The following LONRF3 variants were observed in gnomAD, a reference collection of about 807,000 sequenced individuals.
The protein encoded by LONRF3 is LON peptidase N-terminal domain and ring finger 3.
LONRF3 carries 19 observed loss-of-function variants against 51.7 expected under a neutral mutation model. The ratio of observed to expected loss-of-function variants is 0.37; its 90% CI spans 0.26 to 0.54. The LOEUF (loss-of-function observed/expected upper bound fraction) is 0.54. Ranked by LOEUF, LONRF3 falls within the 20% of genes least tolerant of loss-of-function variation. The probability of loss-of-function intolerance (pLI) is 0.86; values close to 1 mark genes in which losing one functional copy is unlikely to be tolerated. For synonymous variants in LONRF3, 265 were observed against 257.8 expected (o/e 1.03, Z -0.27); for missense variants, 521 against 623.9 (o/e 0.84, Z 1.76).
intron 7 of LONRF3, among the ~76,000 whole-genome samples, chrX:119,009,676 C>A (rs181112442): frequency 1.0e-3 from 117 of 112,050 alleles, no homozygotes; most frequent in African/African-American, 3.2e-3. Flanking sequence ...CAAAGTGAGT[C>A]TACTTCACGA....
At chrX:118,977,170 G>GAA (rs35249118) in intron 1 of LONRF3, among the ~76,000 whole-genome samples, 23 of 106,880 alleles carry the variant, frequency 2.2e-4, no homozygotes, top group East Asian at 1.2e-3. Flanking sequence ...CACCCCTGGG[G>GAA]AAAAAAAAAA....
At chrX:118,998,645 A>C (rs1014693542) in intron 5 of LONRF3, among the ~76,000 whole-genome samples, 3 of 112,174 alleles carry the variant, frequency 2.7e-5, no homozygotes, top group Non-Finnish European at 5.6e-5. Flanking sequence ...AAGAAGATTG[A>C]CCCAAGAGAA....
intron 6 of LONRF3, 118 bp from the exon 7 acceptor site, chrX:119,009,008 G>A (rs1023307166): frequency 1.9e-5 from 10 of 539,067 alleles, no homozygotes; most frequent in African/African-American, 7.1e-5. Flanking sequence ...TAATTTGTGG[G>A]TCCAGATTAC....
Position 118,989,927 on chromosome X carries a change from G to A in LONRF3, c.1324+255G>A, listed in dbSNP as rs189632583. Among the ~76,000 whole-genome samples, 38 of 112,155 alleles carry A rather than the reference G, an allele frequency of 3.4e-4. No individual in the cohort carries two copies. The East Asian group carries it at 5.9e-3, about 17-fold the overall frequency. On this transcript the variant is annotated intron_variant, in intron 4 of 10. Transcript: ENST00000371628. The stretch of plus-strand genomic sequence containing the variant: ...AAGCCAAGGCATCAGGTCAAGCACA[G>A]TATCAACTAATGACATCCCATACCC...
At position 118,975,634 on chromosome X, in the gene LONRF3, C is replaced by T. The variant is rs1322671126; in HGVS notation, c.817+37C>T. ...GCGCTGCCGGGCCGGGGCTGGGGCT[C>T]GGTGGCTACATGAGGGAGCGGGAGA... On this transcript the variant is annotated intron_variant, in intron 1 of 10. Coordinates refer to ENST00000371628, the MANE Select transcript of LONRF3 (RefSeq NM_001031855.3). 4.4e-6 allele frequency: 4 copies of T among 908,912 alleles called. No homozygotes were observed. The South Asian group carries it at 9.7e-5, about 22-fold the overall frequency. The allele number at this position is 908,912 out of a possible 1,213,427, so 74.9% of individuals were successfully genotyped here.
intron 5 of LONRF3, among the ~76,000 whole-genome samples, chrX:118,998,226 T>C (rs751366503): frequency 2.7e-5 from 3 of 112,318 alleles, no homozygotes; most frequent in Non-Finnish European, 3.8e-5. Context: ...CAAATGCCCA[T>C]CAACGAGTGG....
At position 119,001,071 on chromosome X, in the gene LONRF3, A is replaced by G. The variant is rs182414609; in HGVS notation, c.1416-5050A>G. On this transcript the variant is annotated intron_variant, in intron 5 of 10. Coordinates refer to ENST00000371628, the MANE Select transcript of LONRF3 (RefSeq NM_001031855.3). ...TGCTATTGTTTACTCCATCACTGTA[A>G]CAATGTAAAATGTTTTTTGTGTGAA... Among the ~76,000 whole-genome samples, 249 of 111,950 alleles carry G rather than the reference A, an allele frequency of 2.2e-3. 1 individual carries two copies. The highest frequency in any genetic ancestry group is 7.4e-3 in the African/African-American group (229 of 30,907).
intron 4 of LONRF3, among the ~76,000 whole-genome samples, chrX:118,990,197 G>A (rs1447979531): frequency 1.8e-5 from 2 of 112,151 alleles, no homozygotes; most frequent in Non-Finnish European, 3.8e-5. Context: ...TTCTGCTGTT[G>A]ACAGAGGTGC....
chrX:118,979,146 G>A (rs1488883255), intron 2 of LONRF3, among the ~76,000 whole-genome samples: 2 of 107,843 alleles, frequency 1.9e-5, no homozygotes, highest in Non-Finnish European at 3.8e-5. Context: ...GACTACAGGC[G>A]CCCGCCACCA....
intron 6 of LONRF3, among the ~76,000 whole-genome samples, chrX:119,007,458 T>G (rs1465260074): frequency 8.9e-6 from 1 of 112,103 alleles, no homozygotes; most frequent in Non-Finnish European, 1.9e-5. Context: ...CCCACCTTTG[T>G]TTTTCAAGTG....
At chrX:118,996,257 G>A (rs1288874710) in intron 5 of LONRF3, among the ~76,000 whole-genome samples, 1 of 111,372 alleles carries the variant, frequency 9.0e-6, no homozygotes, top group Non-Finnish European at 1.9e-5. Flanking sequence ...ACTGGAACAA[G>A]ACAAGGATGC....
rs112596896 is a variant in LONRF3, at chrX:118,999,149, TA to T, written c.1416-6964del. ...CCTGAAATGTGGACCTTCTTTCTCT[TA>T]AAAAAAATTTTAGGTGCCAGATTTT... is the stretch of plus-strand genomic sequence containing the variant. On this transcript the variant is annotated intron_variant, in intron 5 of 10. Coordinates refer to ENST00000371628, the MANE Select transcript of LONRF3 (RefSeq NM_001031855.3). Among the ~76,000 whole-genome samples, 479 of 111,784 alleles carry T rather than the reference TA, an allele frequency of 4.3e-3. 3 individuals carry two copies. The highest frequency in any genetic ancestry group is 0.014 in the African/African-American group (445 of 30,756).
chrX:118,991,465 G>A (rs750017997), intron 5 of LONRF3, among the ~76,000 whole-genome samples: 85 of 111,062 alleles, frequency 7.7e-4, no homozygotes, highest in Non-Finnish European at 8.5e-4. Context: ...ATTAGTGGTG[G>A]GCCTGAGATA....
chrX:118,981,773 C>G (rs1019061905), intron 2 of LONRF3, among the ~76,000 whole-genome samples: 3 of 112,014 alleles, frequency 2.7e-5, no homozygotes, highest in African/African-American at 9.7e-5. Context: ...TTCAGGGCAG[C>G]CTCTGCAGCG....
chrX:118,984,505 ATGTTTTTGG>A (rs1432298466), intron 3 of LONRF3, among the ~76,000 whole-genome samples: 2 of 111,892 alleles, frequency 1.8e-5, no homozygotes, highest in African/African-American at 6.5e-5. Context: ...CTAGCCTGAG[ATGTTTTTGG>A]TGTCATCAGT....
intron 5 of LONRF3, among the ~76,000 whole-genome samples, chrX:118,998,251 G>GTA (rs1435710211): frequency 4.5e-5 from 5 of 112,327 alleles, no homozygotes; most frequent in African/African-American, 1.3e-4. Flanking sequence ...AGAAACTCTG[G>GTA]TATATATATA....
At chrX:118,985,413 G>A (rs1247562017) in intron 3 of LONRF3, among the ~76,000 whole-genome samples, 1 of 111,553 alleles carries the variant, frequency 9.0e-6, no homozygotes, top group Non-Finnish European at 1.9e-5. Flanking sequence ...GGTGCTGTGA[G>A]TACCTCCCCA....
chrX:118,987,155 C>T, intron 3 of LONRF3: 1 of 838,808 alleles, frequency 1.2e-6, no homozygotes, highest in East Asian at 3.5e-5. Context: ...GGAGTGAGCC[C>T]TCCCTCTCCT....
In LONRF3 at chrX:118,975,309, T is replaced by A; in HGVS notation, c.529T>A (p.Phe177Ile). ...CGTGTCCTTGTCGTGTGGCCACACCTTTTGTAAACTGTGCCTGGAACGTGG... is the reference window on the plus strand; with the variant it reads ...CGTGTCCTTGTCGTGTGGCCACACCATTTGTAAACTGTGCCTGGAACGTGG... Reference protein sequence around the residue: ...DPVSLSCGHTFCKLCLERGRA... With the variant: ...DPVSLSCGHTICKLCLERGRA... Residue 177 changes from phenylalanine to isoleucine, a missense_variant, in exon 1 of 11, where the codon TTT becomes ATT. By Grantham distance (21) the Phe-to-Ile change is conservative. Around this residue, in one of 2 missense-constraint regions of LONRF3, gnomAD observed 376 missense variants for 376.7 expected, o/e 1.00. Coordinates refer to ENST00000371628, the MANE Select transcript of LONRF3 (RefSeq NM_001031855.3). 8.3e-7 allele frequency: 1 copy of A among 1,209,970 alleles called. No homozygotes were observed. Among genetic ancestry groups the A allele is most frequent in the Non-Finnish European group, 1.1e-6 (1 of 894,997 alleles).
Sources: allele counts gnomAD v4.1 joint callset (sites outside exome capture counted in the v4.1 genomes callset), GRCh38; gene constraint gnomAD v4.1.1; regional missense constraint gnomAD v4.1.1; transcripts MANE v1.5; gene names NCBI Gene and HGNC (gene_info 2026-07-23, HGNC 2026-07-21).